PSMA8: variants seen among roughly 807,000 people sequenced by gnomAD.
The protein encoded by PSMA8 is proteasome subunit alpha-type 8.
In PSMA8, 18 loss-of-function variants were observed where a neutral mutation model predicts 32.4. The ratio of observed to expected loss-of-function variants is 0.56; its 90% CI spans 0.38 to 0.82. PSMA8 has a LOEUF of 0.82. PSMA8 is among the 40% of genes least tolerant of loss of function. The pLI, the probability that PSMA8 is intolerant of heterozygous loss-of-function variation, is 0.00. For missense variants in PSMA8, 298 were observed against 300.7 expected (o/e 0.99, Z 0.07); for synonymous variants, 104 against 98.1 (o/e 1.06, Z -0.36).
intron 2 of PSMA8, among the ~76,000 whole-genome samples, chr18:26,149,476 T>C (rs1383145080): frequency 6.6e-6 from 1 of 152,210 alleles, no homozygotes; most frequent in East Asian, 1.9e-4. Flanking sequence ...GACAAAACAA[T>C]TTTGAAAGAG....
At chr18:26,176,150 G>A (rs976916822) in intron 4 of PSMA8, among the ~76,000 whole-genome samples, 1 of 152,176 alleles carries the variant, frequency 6.6e-6, no homozygotes, top group Non-Finnish European at 1.5e-5. Flanking sequence ...GGGGATCTGA[G>A]TGTGGCAAGA....
chr18:26,157,382 C>A (rs1394063523), intron 3 of PSMA8, among the ~76,000 whole-genome samples: 3 of 147,914 alleles, frequency 2.0e-5, no homozygotes, highest in Non-Finnish European at 4.4e-5. Context: ...CATGGTGAAA[C>A]CCTGTCTCTT....
At chr18:26,177,295 G>A (rs1436020042) in intron 4 of PSMA8, among the ~76,000 whole-genome samples, 1 of 152,144 alleles carries the variant, frequency 6.6e-6, no homozygotes, top group Admixed American at 6.6e-5. Context: ...GTTTGTGGAG[G>A]CAGCTAAAAA....
chr18:26,192,249 T>A, intron 6 of PSMA8, 70 bp from the exon 7 acceptor site: 2 of 1,148,630 alleles, frequency 1.7e-6, no homozygotes, highest in Non-Finnish European at 2.2e-6. Flanking sequence ...AATATTGGAA[T>A]TCTTCATATT....
chr18:26,181,008 G>A (rs1302889435), intron 6 of PSMA8, among the ~76,000 whole-genome samples: 1 of 152,178 alleles, frequency 6.6e-6, no homozygotes, highest in African/African-American at 2.4e-5. Flanking sequence ...AAATGAAATG[G>A]TGTGAGATGG....
chr18:26,150,739 C>G (rs1452047046), intron 2 of PSMA8, among the ~76,000 whole-genome samples: 1 of 152,096 alleles, frequency 6.6e-6, no homozygotes. Context: ...ATTTTTTCCT[C>G]GAATCAATTA....
chr18:26,172,658 C>A lies in PSMA8; in HGVS notation c.478-6172C>A, dbSNP rs80070835. On this transcript the variant is annotated intron_variant, in intron 4 of 6. Transcript: ENST00000415576. ...AATCCATTATTATTTAATAATAAAT[C>A]AATTTAAAAAGTACAGTTACATTCT... 4.4e-3 allele frequency among the ~76,000 whole-genome samples: 675 copies of A among 151,736 alleles called. 5 individuals are homozygous for A. The highest frequency in any genetic ancestry group is 0.015 in the African/African-American group (607 of 41,396).
At chr18:26,158,433 C>A (rs1346106313) in intron 4 of PSMA8, among the ~76,000 whole-genome samples, 189 bp downstream of exon 4, 5 of 152,160 alleles carry the variant, frequency 3.3e-5, no homozygotes, top group Admixed American at 6.5e-5. Context: ...TTTGTAAGCA[C>A]AAGGTCTTTT....
intron 6 of PSMA8, among the ~76,000 whole-genome samples, chr18:26,188,094 C>T (rs555360596): frequency 6.6e-5 from 10 of 151,300 alleles, no homozygotes; most frequent in African/African-American, 2.4e-4. Flanking sequence ...CATCTCTGAC[C>T]ACAGTGGAAA....
At chr18:26,187,732 T>A (rs890530137) in intron 6 of PSMA8, among the ~76,000 whole-genome samples, 1 of 152,066 alleles carries the variant, frequency 6.6e-6, no homozygotes, top group Admixed American at 6.6e-5. Context: ...CAAGAAGATA[T>A]AACAGTCTTA....
chr18:26,180,052 A>G (rs568843587), intron 6 of PSMA8, among the ~76,000 whole-genome samples: 8 of 152,224 alleles, frequency 5.3e-5, no homozygotes, highest in African/African-American at 1.7e-4. Context: ...GGAGTTCAAG[A>G]CTAGCCTGGC....
chr18:26,179,707 C>T (rs1390186093), intron 6 of PSMA8, among the ~76,000 whole-genome samples: 1 of 152,068 alleles, frequency 6.6e-6, no homozygotes, highest in Non-Finnish European at 1.5e-5. Context: ...AACTGTACAA[C>T]ATAGTTTGCC....
At position 26,134,054 on chromosome 18, in the gene PSMA8, A is replaced by G; in HGVS notation, c.89A>G (p.Lys30Arg). Reference protein sequence around the residue: ...QVEYAQEAVKKGSTAVGIRGT... With the variant: ...QVEYAQEAVKRGSTAVGIRGT... ...GAATATGCCCAGGAAGCGGTGAAGA[A>G]AGGATCCACCGCGGTGAGGAAGCAA... The change falls in exon 1 of 7, where the codon AAA becomes AGA. Residue 30 changes from lysine to arginine, a missense_variant. Lys to Arg is a conservative substitution (Grantham distance 26). Transcript: ENST00000415576. 1.2e-6 allele frequency: 2 copies of G among 1,613,154 alleles called. No homozygotes were observed. Among genetic ancestry groups the G allele is most frequent in the East Asian group, 2.2e-5 (1 of 44,854 alleles).
chr18:26,181,856 G>A (rs1423850717), intron 6 of PSMA8, among the ~76,000 whole-genome samples: 3 of 152,018 alleles, frequency 2.0e-5, no homozygotes, highest in East Asian at 1.9e-4. Context: ...CCTGAGAGGC[G>A]GAGGTTGCAG....
intron 1 of PSMA8, chr18:26,140,189 C>T: frequency 1.4e-6 from 1 of 700,820 alleles, no homozygotes; most frequent in Non-Finnish European, 2.6e-6. Context: ...GTGGGCCTGC[C>T]ACTAGAGTCC....
At position 26,135,573 on chromosome 18, in the gene PSMA8, C is replaced by A. The variant is rs112820588; in HGVS notation, c.102+1506C>A. 7.2e-3 allele frequency among the ~76,000 whole-genome samples: 1,090 copies of A among 152,072 alleles called. 16 individuals carry two copies. Among genetic ancestry groups the A allele is most frequent in the African/African-American group, 0.025 (1,033 of 41,482 alleles). On this transcript the variant is annotated intron_variant, in intron 1 of 6. Transcript: ENST00000415576. ...TTTAGAATTATAAATTTAAGGAAAG[C>A]CTGATGTAGCTTAAACCAAAAGGGT...
At chr18:26,143,228 T>A (rs77502856) in intron 1 of PSMA8, among the ~76,000 whole-genome samples, 1,532 of 152,330 alleles carry the variant, frequency 0.01, 25 homozygotes, top group African/African-American at 0.035. Flanking sequence ...GTTTTCCCCG[T>A]GTCTGCATGG....
chr18:26,188,437 A>G (rs1346278056), intron 6 of PSMA8, among the ~76,000 whole-genome samples: 2 of 152,228 alleles, frequency 1.3e-5, no homozygotes, highest in East Asian at 1.9e-4. Context: ...TACAGATTCA[A>G]TGCAATCCCT....
intron 3 of PSMA8, among the ~76,000 whole-genome samples, chr18:26,153,905 A>AT (rs989314863): frequency 1.3e-5 from 2 of 151,636 alleles, no homozygotes; most frequent in Non-Finnish European, 2.9e-5. Flanking sequence ...TTTTATTTTT[A>AT]TTTTTTTATT....
Sources: gnomAD v4.1 joint callset for allele counts (sites outside exome capture counted in the v4.1 genomes callset) on GRCh38, gnomAD v4.1.1 for gene constraint, MANE v1.5 for transcripts, NCBI Gene and HGNC (gene_info 2026-07-23, HGNC 2026-07-21) for gene names.